Variants in ADAMTSL1 observed in about 807,000 individuals in gnomAD.
ADAMTSL1 encodes ADAMTS-like protein 1.
Under a neutral mutation model 201.8 loss-of-function variants are expected in ADAMTSL1, and 126 were observed. That is an observed-to-expected ratio of 0.62 (90% CI 0.54 to 0.72). The LOEUF is 0.72. Ranked by LOEUF, ADAMTSL1 falls within the 30% of genes least tolerant of loss-of-function variation. ADAMTSL1 has a pLI of 0.00. For synonymous variants in ADAMTSL1, 1,121 were observed against 903.4 expected, an observed-to-expected ratio of 1.24 and a Z score of -4.32; for missense variants, 2,679 against 2,277.8, an observed-to-expected ratio of 1.18 and a Z score of -3.59.
chr9:18,809,587 C>T (rs1254814476), intron 20 of ADAMTSL1, among the ~76,000 whole-genome samples: 3 of 152,052 alleles, frequency 2.0e-5, no homozygotes, highest in Admixed American at 6.5e-5. Flanking sequence ...GTCAGGAGTT[C>T]GAGACCAGCC....
chr9:18,462,566 G>A (rs1000235900), intron 2 of ADAMTSL1, among the ~76,000 whole-genome samples: 2 of 152,160 alleles, frequency 1.3e-5, no homozygotes, highest in Admixed American at 1.3e-4. Context: ...AATTCAGGGT[G>A]ACAGACCTAG....
At chr9:18,481,759 A>G (rs1200071532) in intron 1 of ADAMTSL1, among the ~76,000 whole-genome samples, 5 of 152,200 alleles carry the variant, frequency 3.3e-5, no homozygotes, top group African/African-American at 9.7e-5. Flanking sequence ...TACTGTTTCT[A>G]TAGTTTATAG....
intron 15 of ADAMTSL1, among the ~76,000 whole-genome samples, chr9:18,751,718 C>T (rs1339407016): frequency 2.6e-5 from 4 of 152,152 alleles, no homozygotes; most frequent in Non-Finnish European, 5.9e-5. Flanking sequence ...AGAAAATGGT[C>T]AGTGTCTGGA....
intron 2 of ADAMTSL1, among the ~76,000 whole-genome samples, chr9:18,164,696 G>C (rs1827556078): frequency 6.6e-6 from 1 of 151,582 alleles, no homozygotes; most frequent in African/African-American, 2.4e-5. Flanking sequence ...CAAGCTAGTG[G>C]GTTTCTTATC....
intron 2 of ADAMTSL1, among the ~76,000 whole-genome samples, chr9:18,292,888 A>C (rs1833329844): frequency 1.3e-5 from 2 of 152,184 alleles, no homozygotes; most frequent in Non-Finnish European, 2.9e-5. Context: ...TGATCATGTG[A>C]GTCAGTGCTC....
chr9:18,691,849 C>G (rs488627), intron 13 of ADAMTSL1, among the ~76,000 whole-genome samples: 54,927 of 151,958 alleles, frequency 0.36, 10,484 homozygotes, highest in African/African-American at 0.49. Flanking sequence ...TGTAAAGTAC[C>G]TGGTATGCAG....
At chr9:18,590,118 T>C (rs181961695) in intron 4 of ADAMTSL1, among the ~76,000 whole-genome samples, 1 of 152,138 alleles carries the variant, frequency 6.6e-6, no homozygotes, top group Admixed American at 6.5e-5. Flanking sequence ...TTGATTGTTT[T>C]TTTAAATGTT....
chr9:18,862,510 T>TC (rs535899342), intron 23 of ADAMTSL1, among the ~76,000 whole-genome samples: 237 of 152,310 alleles, frequency 1.6e-3, no homozygotes, highest in Middle Eastern at 6.8e-3. Flanking sequence ...GCACCTTGAT[T>TC]ATAGAGCGCT....
chr9:18,435,013 G>A (rs546295401), intron 2 of ADAMTSL1, among the ~76,000 whole-genome samples: 14 of 152,292 alleles, frequency 9.2e-5, no homozygotes, highest in South Asian at 2.1e-4. Context: ...GGTCACAATA[G>A]ATGCTAAATG....
chr9:18,072,632 T>C (rs1040191574), intron 1 of ADAMTSL1, among the ~76,000 whole-genome samples: 4 of 152,254 alleles, frequency 2.6e-5, no homozygotes, highest in African/African-American at 9.6e-5. Flanking sequence ...CACAGGTTGA[T>C]TATCTGCATA....
intron 14 of ADAMTSL1, chr9:18,718,664 C>G: frequency 2.8e-6 from 1 of 351,308 alleles, no homozygotes; most frequent in Non-Finnish European, 5.6e-6. Context: ...GGTTTACACA[C>G]CTGACTCTGG....
At chr9:18,721,931 A>C (rs1490142690) in intron 15 of ADAMTSL1, among the ~76,000 whole-genome samples, 1 of 152,182 alleles carries the variant, frequency 6.6e-6, no homozygotes, top group African/African-American at 2.4e-5. Flanking sequence ...TGTGCCACGC[A>C]GTTGCTTTCC....
At chr9:18,692,438 T>C (rs1831290540) in intron 13 of ADAMTSL1, among the ~76,000 whole-genome samples, 1 of 152,062 alleles carries the variant, frequency 6.6e-6, no homozygotes. Context: ...CAGTTGCTCG[T>C]TCTGTGGCTA....
chr9:18,330,214 A>G (rs1834975446), intron 2 of ADAMTSL1, among the ~76,000 whole-genome samples: 1 of 152,186 alleles, frequency 6.6e-6, no homozygotes, highest in South Asian at 2.1e-4. Context: ...TTTGTGAACC[A>G]CTTGACACAG....
intron 2 of ADAMTSL1, among the ~76,000 whole-genome samples, chr9:18,351,440 C>CT (rs1292908884): frequency 1.0e-3 from 153 of 149,484 alleles, no homozygotes; most frequent in Middle Eastern, 3.4e-3. Context: ...ATAAAACCCC[C>CT]TTTTTTTTTT....
chr9:18,033,457 C>G (rs1563960432), intron 1 of ADAMTSL1, among the ~76,000 whole-genome samples: 1 of 152,176 alleles, frequency 6.6e-6, no homozygotes, highest in African/African-American at 2.4e-5. Flanking sequence ...ATTGTTTCCA[C>G]TTCTTTCCAT....
chr9:18,290,696 G>T (rs1471811053), intron 2 of ADAMTSL1, among the ~76,000 whole-genome samples: 1 of 151,658 alleles, frequency 6.6e-6, no homozygotes, highest in African/African-American at 2.4e-5. Context: ...ATGAAAGAAG[G>T]AATCACCACA....
intron 1 of ADAMTSL1, among the ~76,000 whole-genome samples, chr9:17,982,353 G>A (rs925651818): frequency 7.9e-5 from 12 of 152,148 alleles, no homozygotes; most frequent in African/African-American, 1.2e-4. Context: ...GGTGGCTCAC[G>A]TCTGTAATCC....
In ADAMTSL1 at chr9:18,189,144, A is replaced by G. The variant is rs565864336; in HGVS notation, c.207+25163A>G. ...TTGGAGACAGGCGTTAAGAGGAAGG[A>G]ATTAGTTCCACTCCACAGTTGCCAG... On this transcript the variant is annotated intron_variant, in intron 2 of 29. Transcript: ENST00000680146. 3.3e-5 allele frequency among the ~76,000 whole-genome samples: 5 copies of G among 152,202 alleles called. No homozygotes were observed. In the East Asian group the frequency reaches 9.7e-4, roughly 29 times the overall value.
Sources: gnomAD v4.1 joint callset for allele counts (sites outside exome capture counted in the v4.1 genomes callset) on GRCh38, gnomAD v4.1.1 for gene constraint, MANE v1.5 for transcripts, NCBI Gene and HGNC (gene_info 2026-07-23, HGNC 2026-07-21) for gene names.